RASGRF2: variants seen among roughly 807,000 people sequenced by gnomAD.
RASGRF2 encodes the protein ras-specific guanine nucleotide-releasing factor 2.
Under a neutral mutation model 151.0 loss-of-function variants are expected in RASGRF2, and 76 were observed. That is an observed-to-expected ratio of 0.50 (90% CI 0.42 to 0.61). The LOEUF (loss-of-function observed/expected upper bound fraction) is 0.61. Among genes scored for constraint, RASGRF2 ranks in the 20% least tolerant of loss-of-function variants. The probability of loss-of-function intolerance (pLI) is 0.00; values close to 1 mark genes in which losing one functional copy is unlikely to be tolerated. For missense variants in RASGRF2, 1,148 were observed against 1,564.6 expected, an observed-to-expected ratio of 0.73 and a Z score of 4.49; for synonymous variants, 504 against 566.5, an observed-to-expected ratio of 0.89 and a Z score of 1.57.
chr5:81,153,618 C>G (rs527761462), intron 17 of RASGRF2, among the ~76,000 whole-genome samples: 3 of 152,074 alleles, frequency 2.0e-5, no homozygotes, highest in Non-Finnish European at 4.4e-5. Context: ...TGTTTTAAAC[C>G]ACTAAATTCA....
intron 1 of RASGRF2, among the ~76,000 whole-genome samples, chr5:81,028,550 C>T (rs2112354844): frequency 6.6e-6 from 1 of 151,996 alleles, no homozygotes; most frequent in Admixed American, 6.5e-5. Context: ...ATGGAAATAG[C>T]ATCCATGAAA....
intron 18 of RASGRF2, among the ~76,000 whole-genome samples, chr5:81,195,579 T>A (rs1024306988): frequency 1.6e-4 from 24 of 151,928 alleles, no homozygotes; most frequent in Non-Finnish European, 3.4e-4. Flanking sequence ...GTGACCTTTT[T>A]TTTTTTTTTG....
intron 2 of RASGRF2, among the ~76,000 whole-genome samples, chr5:81,048,242 T>C (rs1354428169): frequency 1.3e-5 from 2 of 152,238 alleles, no homozygotes; most frequent in African/African-American, 2.4e-5. Context: ...AAACTGTCAC[T>C]ACTTTAAAGA....
rs1309426371 is a variant in RASGRF2 at position 81,112,746 on chromosome 5, A to G, written c.1975A>G (p.Ile659Val). The change falls in exon 14 of 27, where the codon ATT becomes GTT. Residue 659 changes from isoleucine (I) to valine (V), a missense_variant. By Grantham distance (29) the Ile-to-Val change is conservative. Transcript: ENST00000265080. ...ACTGACAGACTTGCGGTTTCTTAGT[A>G]TTGATTTCCTCAACACCTTTCTGCA... ...ERLTDLRFLSIDFLNTFLHTY... is the reference protein window; with the variant it reads ...ERLTDLRFLSVDFLNTFLHTY... The G allele has an allele frequency of 6.2e-7, 1 of 1,614,176 alleles. No homozygotes were observed. Among genetic ancestry groups the G allele is most frequent in the Non-Finnish European group, 8.5e-7 (1 of 1,180,028 alleles).
At chr5:80,995,686 C>CCCCCCT (rs1561544090) in intron 1 of RASGRF2, among the ~76,000 whole-genome samples, 3 of 123,058 alleles carry the variant, frequency 2.4e-5, no homozygotes, top group South Asian at 6.5e-4. Context: ...CCTTTCCTTC[C>CCCCCCT]CCCCCCCTTT....
chr5:81,022,678 C>G (rs1749871242), intron 1 of RASGRF2, among the ~76,000 whole-genome samples: 1 of 152,206 alleles, frequency 6.6e-6, no homozygotes, highest in Non-Finnish European at 1.5e-5. Flanking sequence ...CACACTCCTC[C>G]TTGTGCTCCC....
intron 1 of RASGRF2, among the ~76,000 whole-genome samples, chr5:81,006,917 G>A (rs975308234): frequency 3.9e-5 from 6 of 152,104 alleles, no homozygotes; most frequent in East Asian, 1.9e-4. Context: ...GCGGGCCCAC[G>A]AGACATTGTC....
At chr5:81,066,304 G>A (rs1751600783) in intron 2 of RASGRF2, among the ~76,000 whole-genome samples, 1 of 151,868 alleles carries the variant, frequency 6.6e-6, no homozygotes, top group African/African-American at 2.4e-5. Flanking sequence ...TAAAAATGTT[G>A]CTGACACGGT....
chr5:81,021,815 G>C (rs1749836877), intron 1 of RASGRF2, among the ~76,000 whole-genome samples: 1 of 152,198 alleles, frequency 6.6e-6, no homozygotes, highest in Non-Finnish European at 1.5e-5. Flanking sequence ...GAGGAGATGG[G>C]AAGAAACCCC....
At chr5:81,044,254 C>G (rs1322116309) in intron 2 of RASGRF2, among the ~76,000 whole-genome samples, 1 of 152,074 alleles carries the variant, frequency 6.6e-6, no homozygotes, top group Non-Finnish European at 1.5e-5. Flanking sequence ...CCCGTCTCTA[C>G]TAAAAATATA....
chr5:81,100,002 G>A (rs562267280), intron 12 of RASGRF2, among the ~76,000 whole-genome samples: 1 of 150,374 alleles, frequency 6.7e-6, no homozygotes, highest in East Asian at 2.0e-4. Flanking sequence ...CCGCCTCCCG[G>A]GTTCACGCCA....
chr5:80,999,534 T>TA (rs1212747429), intron 1 of RASGRF2, among the ~76,000 whole-genome samples: 1 of 152,006 alleles, frequency 6.6e-6, no homozygotes, highest in Non-Finnish European at 1.5e-5. Context: ...TTTATTTATT[T>TA]ATGTTGTAGA....
intron 1 of RASGRF2, among the ~76,000 whole-genome samples, chr5:80,979,933 A>T (rs1748244570): frequency 6.6e-6 from 1 of 152,074 alleles, no homozygotes; most frequent in Non-Finnish European, 1.5e-5. Context: ...TTGTAACCCC[A>T]TAGGACCACA....
At chr5:81,134,072 T>TTG (rs1287297835) in intron 17 of RASGRF2, among the ~76,000 whole-genome samples, 2 of 78,196 alleles carry the variant, frequency 2.6e-5, no homozygotes, top group African/African-American at 4.9e-5. Context: ...TAGGAAATGC[T>TTG]TGTGTGCGTG....
At chr5:81,107,631 G>T (rs2112532969) in intron 12 of RASGRF2, among the ~76,000 whole-genome samples, 1 of 152,246 alleles carries the variant, frequency 6.6e-6, no homozygotes, top group Non-Finnish European at 1.5e-5. Context: ...TCGTCTTATT[G>T]TTTGCCATCC....
At chr5:81,210,726 C>T (rs1755611779) in intron 22 of RASGRF2, among the ~76,000 whole-genome samples, 1 of 152,204 alleles carries the variant, frequency 6.6e-6, no homozygotes, top group Non-Finnish European at 1.5e-5. Context: ...ACCTGTCATA[C>T]AAGAGCACAG....
rs184214864 is a variant in RASGRF2 at position 81,125,860 on chromosome 5, A to C, written c.2597-1214A>C. On this transcript the variant is annotated intron_variant, in intron 16 of 26. Coordinates refer to ENST00000265080, the MANE Select transcript of RASGRF2 (RefSeq NM_006909.3). ...CATAGAAACATGGGAAGGAGGCTGA[A>C]ACCTGTGATAATATGGAGGAACTGA... 1.3e-3 allele frequency among the ~76,000 whole-genome samples: 203 copies of C among 152,376 alleles called. 1 individual carries two copies. The highest frequency in any genetic ancestry group is 0.012 in the Admixed American group (189 of 15,308).
chr5:80,992,203 CAA>C (rs1346586547), intron 1 of RASGRF2, among the ~76,000 whole-genome samples: 9 of 152,044 alleles, frequency 5.9e-5, no homozygotes, highest in Admixed American at 2.6e-4. Context: ...CACACAGAGA[CAA>C]GAGAGAGGAG....
chr5:80,977,499 G>A (rs1400342421), intron 1 of RASGRF2, among the ~76,000 whole-genome samples: 1 of 144,194 alleles, frequency 6.9e-6, no homozygotes, highest in Non-Finnish European at 1.5e-5. Flanking sequence ...TTTTGCTCTT[G>A]TCCCCCAGGC....
Sources: allele counts gnomAD v4.1 joint callset (sites outside exome capture counted in the v4.1 genomes callset), GRCh38; gene constraint gnomAD v4.1.1; transcripts MANE v1.5; gene names NCBI Gene and HGNC (gene_info 2026-07-23, HGNC 2026-07-21).